ARL6IP4: variants seen among roughly 807,000 people sequenced by gnomAD.
The protein encoded by ARL6IP4 is ADP-ribosylation factor-like protein 6-interacting protein 4.
A neutral mutation model predicts 28.1 loss-of-function variants in ARL6IP4; 24 were observed. The ratio of observed to expected loss-of-function variants is 0.86; its 90% CI spans 0.62 to 1.20. ARL6IP4 has a LOEUF of 1.20. Ranked by LOEUF, ARL6IP4 falls within the 50% of genes most tolerant of loss-of-function variation. The probability of loss-of-function intolerance (pLI) is 0.00; values close to 1 mark genes in which losing one functional copy is unlikely to be tolerated. For missense variants in ARL6IP4, 343 were observed against 302.4 expected, an observed-to-expected ratio of 1.13 and a Z score of -1.00; for synonymous variants, 162 against 122.3, an observed-to-expected ratio of 1.32 and a Z score of -2.14.
At chr12:122,982,372 A>C (rs1594108745) in intron 4 of ARL6IP4, 97 bp from the exon 5 acceptor site, 1 of 1,216,820 alleles carries the variant, frequency 8.2e-7, no homozygotes, top group Non-Finnish European at 1.2e-6. Flanking sequence ...GCGGGGTGGG[A>C]GCCCTGGGAC....
intron 4 of ARL6IP4, 103 bp downstream of exon 4, chr12:122,982,177 A>T (rs2037708925): frequency 7.5e-7 from 1 of 1,332,680 alleles, no homozygotes; most frequent in African/African-American, 1.4e-5. Flanking sequence ...CTGGTGCCTG[A>T]AAAAGGCCAA....
upstream of ARL6IP4, chr12:122,980,563 T>G (rs2037596752): frequency 7.3e-7 from 1 of 1,362,550 alleles, no homozygotes; most frequent in African/African-American, 1.5e-5. Context: ...CCGGCGCCCC[T>G]GCTTGCCTCT....
rs906671580 is a variant in ARL6IP4, at chr12:122,980,760, G to T, written c.-12+15G>T. 1.2e-5 allele frequency: 16 copies of T among 1,310,778 alleles called. No homozygotes were observed. In the African/African-American group the frequency reaches 1.4e-4, roughly 11 times the overall value. 81.2% of individuals were successfully genotyped at this position (1,310,778 alleles called of 1,614,324 possible). A position where few individuals can be genotyped will look rare whatever the true frequency, so the allele number is the denominator to read the frequency against. On this transcript the variant is annotated intron_variant, in intron 1 of 5. Transcript: ENST00000315580. ...GGGCGGTCGAGGTGGGAACGGAGCA[G>T]CCCCGGGGGCCCCCTTGAGGCGGCG...
At chr12:122,980,803 G>T in intron 1 of ARL6IP4, 58 bp downstream of exon 1, 1 of 1,320,010 alleles carries the variant, frequency 7.6e-7, no homozygotes, top group Non-Finnish European at 9.6e-7. Context: ...GAAGGGCGCG[G>T]GGCTGGAGGG....
chr12:122,980,373 G>T, upstream of ARL6IP4: 1 of 1,324,350 alleles, frequency 7.6e-7, no homozygotes. Context: ...GCCTCAGTCT[G>T]GAGCTCGCAG....
chr12:122,981,843 T>G lies in ARL6IP4; in HGVS notation c.433T>G (p.Trp145Gly), dbSNP rs1400700807. Residue 145 changes from tryptophan to glycine, a missense_variant, in exon 3 of 6, where the codon TGG becomes GGG. Trp to Gly is a radical substitution (Grantham distance 184, BLOSUM62 -2). Coordinates refer to ENST00000315580, the MANE Select transcript of ARL6IP4 (RefSeq NM_018694.4). ...EALPGPSLDQ[W>G]HRSAGEEEDG... ...TCTGCCGGGCCCCTCGCTGGACCAG[T>G]GGCACCGATCAGCTGGGGAGGAAGA... 1 of 1,610,508 alleles carries G rather than the reference T, an allele frequency of 6.2e-7. No homozygotes were observed. Among genetic ancestry groups the G allele is most frequent in the East Asian group, 2.2e-5 (1 of 44,776 alleles).
chr12:122,980,979 G>T, intron 1 of ARL6IP4, 150 bp from the exon 2 acceptor site: 1 of 1,389,828 alleles, frequency 7.2e-7, no homozygotes, highest in Non-Finnish European at 9.3e-7. Context: ...GGGGTCCCCA[G>T]CGCTGGGGGT....
chr12:122,980,804 G>A (rs2037610719), intron 1 of ARL6IP4, 59 bp downstream of exon 1: 2 of 1,320,728 alleles, frequency 1.5e-6, no homozygotes, highest in Non-Finnish European at 9.6e-7. Flanking sequence ...AAGGGCGCGG[G>A]GCTGGAGGGT....
rs1164311747 is a variant in ARL6IP4, at chr12:122,981,656, T to TTCTTCTAGC, written c.249_257dup (p.Ser96_Ser98dup). Reference sequence around the variant, plus strand: ...CCAGCTCCTCCTCCTCTTCTTCCAGTTCTTCTAGCTCCTCTTCTTCCTCCT... The same window carrying TTCTTCTAGC: ...CCAGCTCCTCCTCCTCTTCTTCCAGTTCTTCTAGCTCTTCTAGCTCCTCTTCTTCCTCCT... On this transcript the variant is annotated inframe_insertion, in exon 3 of 6. Coordinates refer to ENST00000315580, the MANE Select transcript of ARL6IP4 (RefSeq NM_018694.4). 1 of 1,556,670 alleles carries TTCTTCTAGC rather than the reference T, an allele frequency of 6.4e-7. No homozygotes were observed. The highest frequency in any genetic ancestry group is 8.7e-7 in the Non-Finnish European group (1 of 1,150,504).
Position 122,982,543 on chromosome 12 carries a change from G to A in ARL6IP4, c.657+5G>A. The A allele has an allele frequency of 6.2e-7, 1 of 1,614,150 alleles. No individual in the cohort carries two copies. Among genetic ancestry groups the A allele is most frequent in the Non-Finnish European group, 8.5e-7 (1 of 1,180,010 alleles). ...CGACACAGAGAGATCAACAAGGTGG[G>A]TGTGGCCCCTCTGCCTGCCATCCGC... On this transcript the variant is annotated splice_donor_5th_base_variant and intron_variant, in intron 5 of 5. Transcript: ENST00000315580.
chr12:122,982,105 AG>A, intron 4 of ARL6IP4, 31 bp downstream of exon 4: 1 of 1,599,830 alleles, frequency 6.3e-7, no homozygotes, highest in Non-Finnish European at 8.6e-7. Flanking sequence ...CTTACACCAC[AG>A]GATCTGGGAG....
At chr12:122,982,110 C>G (rs1036892647) in intron 4 of ARL6IP4, 36 bp downstream of exon 4, 1 of 1,602,070 alleles carries the variant, frequency 6.2e-7, no homozygotes, top group East Asian at 2.2e-5. Flanking sequence ...ACCACAGGAT[C>G]TGGGAGTGTT....
In ARL6IP4 at chr12:122,982,722, C is replaced by T; in HGVS notation, c.*46C>T. The T allele has an allele frequency of 6.3e-7, 1 of 1,592,838 alleles. No homozygotes were observed. The highest frequency in any genetic ancestry group is 8.6e-7 in the Non-Finnish European group (1 of 1,164,848). ...CTGTGGACGACGCTGGCGGCCCAGCCTGGGCAGGTTTCAGGGTGCCAGTGG... is the reference window on the plus strand; with the variant it reads ...CTGTGGACGACGCTGGCGGCCCAGCTTGGGCAGGTTTCAGGGTGCCAGTGG... On this transcript the variant is annotated 3_prime_UTR_variant, in exon 6 of 6. Coordinates refer to ENST00000315580, the MANE Select transcript of ARL6IP4 (RefSeq NM_018694.4).
upstream of ARL6IP4, chr12:122,980,460 G>C: frequency 7.3e-7 from 1 of 1,364,666 alleles, no homozygotes; most frequent in Non-Finnish European, 9.4e-7. Context: ...GGCACCGGGG[G>C]CGTGGGTGCT....
intron 4 of ARL6IP4, 59 bp downstream of exon 4, chr12:122,982,133 G>A (rs2037705587): frequency 6.3e-7 from 1 of 1,578,276 alleles, no homozygotes; most frequent in African/African-American, 1.3e-5. Context: ...CTGAAGATGT[G>A]TGCTCTCGGG....
In ARL6IP4 at chr12:122,982,053, A is replaced by C. The variant is rs1442209063; in HGVS notation, c.566A>C (p.Asp189Ala). 6.2e-7 allele frequency: 1 copy of C among 1,613,360 alleles called. No individual in the cohort carries two copies. Among genetic ancestry groups the C allele is most frequent in the African/African-American group, 1.3e-5 (1 of 74,918 alleles). Residue 189 changes from aspartate (D) to alanine (A), a missense_variant, in exon 4 of 6, where the codon GAC becomes GCC. Asp to Ala is a moderately radical substitution (Grantham distance 126). Coordinates refer to ENST00000315580, the MANE Select transcript of ARL6IP4 (RefSeq NM_018694.4). ...CAGAGCATCATCCGCAAGGTGGTGG[A>C]CCCTGAGACGGGGCGCACCAGGTGG... Reference protein sequence around the residue: ...ARQSIIRKVVDPETGRTRLIK... With the variant: ...ARQSIIRKVVAPETGRTRLIK...
rs1351929428 is a variant in ARL6IP4, at chr12:122,981,827, C to T, written c.417C>T (p.Gly139=). The T allele has an allele frequency of 8.1e-6, 13 of 1,608,338 alleles. No individual in the cohort carries two copies. Among genetic ancestry groups the T allele is most frequent in the Middle Eastern group, 1.6e-4 (1 of 6,064 alleles). Residue 139 remains glycine (G), a synonymous_variant, in exon 3 of 6, where the codon GGC becomes GGT. Transcript: ENST00000315580. ...AEAQQVEALP[G]PSLDQWHRSA... The stretch of plus-strand genomic sequence containing the variant: ...CACAGCAGGTGGAGGCTCTGCCGGG[C>T]CCCTCGCTGGACCAGTGGCACCGAT...
rs2037739983 is a variant in ARL6IP4 at position 122,982,555 on chromosome 12, T to C, written c.657+17T>C. 6.2e-7 allele frequency: 1 copy of C among 1,614,068 alleles called. No individual in the cohort carries two copies. The highest frequency in any genetic ancestry group is 1.3e-5 in the African/African-American group (1 of 74,932). On this transcript the variant is annotated intron_variant, in intron 5 of 5. Transcript: ENST00000315580. The stretch of plus-strand genomic sequence containing the variant: ...ATCAACAAGGTGGGTGTGGCCCCTC[T>C]GCCTGCCATCCGCCCCCAGCTCTGT...
chr12:122,980,925 C>T, intron 1 of ARL6IP4, 180 bp downstream of exon 1: 1 of 1,378,310 alleles, frequency 7.3e-7, no homozygotes, highest in Non-Finnish European at 9.3e-7. Flanking sequence ...GGGGCGGGCC[C>T]TTAACAGGCA....
Sources: gnomAD v4.1 joint callset for allele counts on GRCh38, gnomAD v4.1.1 for gene constraint, MANE v1.5 for transcripts, NCBI Gene and HGNC (gene_info 2026-07-23, HGNC 2026-07-21) for gene names.